The following PAN3 variants were observed in gnomAD, a reference collection of about 807,000 sequenced individuals.
PAN3 encodes the protein poly(A) specific ribonuclease subunit PAN3.
In PAN3, 19 loss-of-function variants were observed where a neutral mutation model predicts 96.2. The ratio of observed to expected loss-of-function variants is 0.20; its 90% CI spans 0.14 to 0.29. The LOEUF is 0.29. PAN3 is among the 10% of genes least tolerant of loss of function. The pLI is 1.00. For synonymous variants in PAN3, 433 were observed against 406.6 expected, an observed-to-expected ratio of 1.06 and a Z score of -0.78; for missense variants, 882 against 1,108.1, an observed-to-expected ratio of 0.80 and a Z score of 2.90.
At chr13:28,214,650 C>G (rs561278182) in intron 5 of PAN3, 1 of 431,254 alleles carries the variant, frequency 2.3e-6, no homozygotes, top group Non-Finnish European at 4.3e-6. Context: ...GAAAAGGAGG[C>G]TGCTGAGATG....
intron 15 of PAN3, among the ~76,000 whole-genome samples, chr13:28,277,716 A>C (rs9554303): frequency 6.6e-6 from 1 of 152,294 alleles, no homozygotes; most frequent in Non-Finnish European, 1.5e-5. Context: ...CAGCAGCCAC[A>C]TGTAATTACT....
At chr13:28,225,317 C>T (rs1320034863) in intron 6 of PAN3, among the ~76,000 whole-genome samples, 1 of 152,016 alleles carries the variant, frequency 6.6e-6, no homozygotes, top group Non-Finnish European at 1.5e-5. Context: ...GTTATTTACT[C>T]TTATAATGTT....
chr13:28,240,161 ATT>A (rs1282412358), intron 6 of PAN3: 1 of 152,146 alleles, frequency 6.6e-6, no homozygotes, highest in Non-Finnish European at 1.5e-5. Flanking sequence ...GATAACTTTT[ATT>A]AATAAGATAT....
At chr13:28,246,254 T>G (rs1247463187) in intron 6 of PAN3, among the ~76,000 whole-genome samples, 1 of 152,170 alleles carries the variant, frequency 6.6e-6, no homozygotes, top group Non-Finnish European at 1.5e-5. Flanking sequence ...ACTTGTTTGA[T>G]TTTTTTAAAT....
intron 1 of PAN3, among the ~76,000 whole-genome samples, chr13:28,161,829 C>A (rs1192603592): frequency 6.6e-6 from 1 of 152,158 alleles, no homozygotes; most frequent in Non-Finnish European, 1.5e-5. Context: ...CGAGGGAGTT[C>A]CAGCTCTTCA....
Position 28,171,476 on chromosome 13 carries a change from G to A in PAN3, c.431-2796G>A, listed in dbSNP as rs183055124. On this transcript the variant is annotated intron_variant, in intron 1 of 18. Transcript: ENST00000380958. Reference sequence around the variant, plus strand: ...CCACTTCAGATACCAGTGACATGTAGCGGGTCCTCAGATTATCCACACTTC... The same window carrying A: ...CCACTTCAGATACCAGTGACATGTAACGGGTCCTCAGATTATCCACACTTC... Among the ~76,000 whole-genome samples, 6 of 152,322 alleles carry A rather than the reference G, an allele frequency of 3.9e-5. No homozygotes were observed. The East Asian group carries it at 1.2e-3, about 29-fold the overall frequency.
chr13:28,292,487 C>A lies in PAN3; in HGVS notation c.2629C>A (p.Gln877Lys), dbSNP rs767802987. ...DLKRCFENTFQELIAAANGQL is the reference protein window; with the variant it reads ...DLKRCFENTFKELIAAANGQL The stretch of plus-strand genomic sequence containing the variant: ...AAAGCGCTGCTTTGAAAATACTTTT[C>A]AAGAACTGATTGCAGCTGCAAATGG... Residue 877 changes from glutamine to lysine, a missense_variant, in exon 19 of 19, where the codon CAA becomes AAA. Physicochemically the swap from Gln to Lys is moderately conservative, Grantham distance 53. Transcript: ENST00000380958. The A allele has an allele frequency of 6.2e-7, 1 of 1,612,272 alleles. No homozygotes were observed. Among genetic ancestry groups the A allele is most frequent in the Non-Finnish European group, 8.5e-7 (1 of 1,179,392 alleles).
chr13:28,173,475 A>G (rs1255979020), intron 1 of PAN3, among the ~76,000 whole-genome samples: 1 of 152,212 alleles, frequency 6.6e-6, no homozygotes, highest in Non-Finnish European at 1.5e-5. Context: ...TGTTTTGGGA[A>G]ATAAATTTTA....
chr13:28,154,901 A>G (rs1372930838), intron 1 of PAN3, among the ~76,000 whole-genome samples: 1 of 150,430 alleles, frequency 6.6e-6, no homozygotes, highest in African/African-American at 2.5e-5. Context: ...GCTCACTGCA[A>G]GCTCCACCTC....
intron 4 of PAN3, among the ~76,000 whole-genome samples, chr13:28,193,588 T>C (rs1048895074): frequency 2.0e-5 from 3 of 150,966 alleles, no homozygotes; most frequent in Non-Finnish European, 3.0e-5. Flanking sequence ...ACAAAAAGTA[T>C]AGAAATTAGC....
chr13:28,250,156 G>A (rs1467084771), intron 6 of PAN3, among the ~76,000 whole-genome samples: 1 of 149,848 alleles, frequency 6.7e-6, no homozygotes, highest in Admixed American at 6.6e-5. Flanking sequence ...TTCGCATGCT[G>A]CATTTTTGCA....
At chr13:28,260,593 T>C (rs771743980) in intron 8 of PAN3, 42 bp downstream of exon 8, 2 of 1,449,062 alleles carry the variant, frequency 1.4e-6, no homozygotes, top group Non-Finnish European at 1.9e-6. Flanking sequence ...TAATGTCTCC[T>C]GTGCTTTAGT....
intron 1 of PAN3, among the ~76,000 whole-genome samples, chr13:28,158,794 C>T (rs889898710): frequency 1.3e-5 from 2 of 151,436 alleles, no homozygotes; most frequent in South Asian, 2.1e-4. Context: ...AGGAGAATGG[C>T]GTGAACCCGG....
chr13:28,157,166 A>G (rs1480361997), intron 1 of PAN3, among the ~76,000 whole-genome samples: 1 of 152,130 alleles, frequency 6.6e-6, no homozygotes, highest in Non-Finnish European at 1.5e-5. Flanking sequence ...GTTTTCAGTA[A>G]AATTCAACAT....
intron 5 of PAN3, chr13:28,215,879 A>G (rs1880690405): frequency 1.5e-6 from 2 of 1,352,576 alleles, no homozygotes; most frequent in African/African-American, 1.4e-5. Flanking sequence ...TTGCCCAGAA[A>G]TCTCAGAAGG....
intron 6 of PAN3, among the ~76,000 whole-genome samples, chr13:28,223,157 A>G (rs1193361550): frequency 2.6e-5 from 4 of 152,232 alleles, no homozygotes; most frequent in Admixed American, 2.0e-4. Context: ...AGAAAAAATA[A>G]GTCATGTTTT....
intron 17 of PAN3, among the ~76,000 whole-genome samples, chr13:28,281,686 C>G (rs979174334): frequency 2.6e-5 from 4 of 151,776 alleles, no homozygotes; most frequent in African/African-American, 9.7e-5. Context: ...GAAGAAGTTT[C>G]ATGTAAGTTT....
intron 6 of PAN3, among the ~76,000 whole-genome samples, chr13:28,236,095 C>T (rs945909194): frequency 6.6e-6 from 1 of 152,066 alleles, no homozygotes. Context: ...GGTATTTTAT[C>T]CTTTATTGTG....
At chr13:28,250,605 G>A (rs573744494) in intron 6 of PAN3, among the ~76,000 whole-genome samples, 1 of 152,266 alleles carries the variant, frequency 6.6e-6, no homozygotes, top group East Asian at 1.9e-4. Flanking sequence ...GACCTCAGGT[G>A]ACCCACCCGC....
Sources: allele counts gnomAD v4.1 joint callset (sites outside exome capture counted in the v4.1 genomes callset), GRCh38; gene constraint gnomAD v4.1.1; transcripts MANE v1.5; gene names NCBI Gene and HGNC (gene_info 2026-07-23, HGNC 2026-07-21).